The following THSD7B variants were observed in gnomAD, a reference collection of about 807,000 sequenced individuals.
The protein encoded by THSD7B is thrombospondin type-1 domain-containing protein 7B.
A neutral mutation model predicts 213.6 loss-of-function variants in THSD7B; 138 were observed. That is an observed-to-expected ratio of 0.65 (90% CI 0.56 to 0.74). The LOEUF (loss-of-function observed/expected upper bound fraction) is 0.74, where lower values mean the gene tolerates loss of function less well. THSD7B is among the 30% of genes least tolerant of loss of function. The probability of loss-of-function intolerance (pLI) is 0.00; values close to 1 mark genes in which losing one functional copy is unlikely to be tolerated. For missense variants in THSD7B, 1,931 were observed against 1,991.5 expected (o/e 0.97, Z 0.58); for synonymous variants, 742 against 687.0 (o/e 1.08, Z -1.25).
chr2:136,908,522 A>G (rs1001794000), intron 2 of THSD7B, among the ~76,000 whole-genome samples: 6 of 152,244 alleles, frequency 3.9e-5, no homozygotes, highest in African/African-American at 1.4e-4. Context: ...GGGATTTGAT[A>G]TGACTGAAAT....
At chr2:137,144,630 T>C (rs757244090) in intron 5 of THSD7B, among the ~76,000 whole-genome samples, 8 of 152,036 alleles carry the variant, frequency 5.3e-5, no homozygotes, top group Admixed American at 2.6e-4. Context: ...ACCTGTGTTG[T>C]TTTTCTTGGT....
At chr2:137,590,087 T>C (rs1345708419) in intron 17 of THSD7B, among the ~76,000 whole-genome samples, 1 of 152,200 alleles carries the variant, frequency 6.6e-6, no homozygotes, top group Non-Finnish European at 1.5e-5. Flanking sequence ...TGTGCTTCAC[T>C]TTTCATATGT....
chr2:137,386,588 G>A (rs903837627), intron 12 of THSD7B, among the ~76,000 whole-genome samples: 1 of 152,168 alleles, frequency 6.6e-6, no homozygotes, highest in African/African-American at 2.4e-5. Context: ...TCAACTTCAG[G>A]AAAGTAATTT....
intron 7 of THSD7B, among the ~76,000 whole-genome samples, chr2:137,195,498 A>C (rs1222440218): frequency 6.6e-6 from 1 of 152,094 alleles, no homozygotes; most frequent in African/African-American, 2.4e-5. Context: ...AAAAGTAAGA[A>C]AATATTTAAA....
chr2:136,964,905 G>A (rs1685287198), intron 2 of THSD7B, among the ~76,000 whole-genome samples: 1 of 151,384 alleles, frequency 6.6e-6, no homozygotes, highest in Admixed American at 6.6e-5. Context: ...GGAAGCTGAG[G>A]CAGAAGAATT....
intron 15 of THSD7B, among the ~76,000 whole-genome samples, chr2:137,509,332 CTTTCTTT>C (rs1312930928): frequency 1.4e-5 from 2 of 143,730 alleles, no homozygotes; most frequent in African/African-American, 5.2e-5. Context: ...CTCTTTCTTT[CTTTCTTT>C]TTCTCTTTCT....
rs545101670 is a variant in THSD7B at position 137,572,482 on chromosome 2, A to G, written c.3349A>G (p.Thr1117Ala). ...CAACCAGGATGAAATTCCCCCAGAA[A>G]CCCAGTCCTGTTCTCTTATGTGTCC... ...LCNQDEIPPE[T>A]QSCSLMCPNE... Residue 1117 changes from threonine (T) to alanine (A), a missense_variant, in exon 17 of 28, where the codon ACC becomes GCC. Physicochemically the swap from Thr to Ala is moderately conservative, Grantham distance 58. Transcript: ENST00000409968. 1.4e-5 allele frequency: 22 copies of G among 1,613,810 alleles called. No individual in the cohort carries two copies. The African/African-American group carries it at 2.1e-4, about 16-fold the overall frequency.
intron 15 of THSD7B, among the ~76,000 whole-genome samples, chr2:137,500,655 A>G (rs950643963): frequency 2.6e-5 from 4 of 152,250 alleles, no homozygotes; most frequent in Non-Finnish European, 5.9e-5. Context: ...ATGTATGTCA[A>G]GTGTTTCTGT....
chr2:137,637,902 C>T (rs1682862555), intron 20 of THSD7B, among the ~76,000 whole-genome samples: 1 of 152,102 alleles, frequency 6.6e-6, no homozygotes. Context: ...ATTATAATGA[C>T]ATTAGGATAA....
At chr2:137,189,560 A>T (rs369662925) in intron 7 of THSD7B, among the ~76,000 whole-genome samples, 1 of 138,980 alleles carries the variant, frequency 7.2e-6, no homozygotes, top group African/African-American at 2.5e-5. Context: ...CCCATGACCT[A>T]TGCCCTCCAG....
chr2:137,168,989 T>C (rs909324058), intron 6 of THSD7B, among the ~76,000 whole-genome samples: 6 of 151,718 alleles, frequency 4.0e-5, no homozygotes, highest in African/African-American at 1.2e-4. Flanking sequence ...GACATGGAGG[T>C]ATGGAGGTAT....
At position 136,890,534 on chromosome 2, in the gene THSD7B, TCTTCTTC is replaced by T. The variant is rs1490837433; in HGVS notation, c.139+8218_139+8224del. Among the ~76,000 whole-genome samples the T allele has an allele frequency of 3.2e-5, 3 of 94,772 alleles. 1 individual carries two copies. The highest frequency in any genetic ancestry group is 1.2e-4 in the African/African-American group (3 of 24,560). 62.2% of individuals were successfully genotyped at this position (94,772 alleles called of 152,430 possible). On this transcript the variant is annotated intron_variant, in intron 2 of 27. Coordinates refer to ENST00000409968, the MANE Select transcript of THSD7B (RefSeq NM_001316349.2). Reference sequence around the variant, plus strand: ...TCTTCTTCTTTCTTCTTCTTCTTCTTCTTCTTCTTTTTTTTTTTTTTTTAAGACGGAG... The same window carrying T: ...TCTTCTTCTTTCTTCTTCTTCTTCTTTTTTTTTTTTTTTTTTAAGACGGAG...
chr2:137,362,317 T>G (rs1034975253), intron 12 of THSD7B, among the ~76,000 whole-genome samples: 1 of 152,152 alleles, frequency 6.6e-6, no homozygotes, highest in African/African-American at 2.4e-5. Context: ...ACAAAGAAAC[T>G]GCATCAACTA....
chr2:137,081,719 G>A (rs1481033836), intron 3 of THSD7B, among the ~76,000 whole-genome samples: 3 of 152,122 alleles, frequency 2.0e-5, no homozygotes, highest in Non-Finnish European at 2.9e-5. Flanking sequence ...GACTTTGTTA[G>A]TAGAAACATT....
At chr2:136,893,857 T>C (rs116529441) in intron 2 of THSD7B, among the ~76,000 whole-genome samples, 1 of 152,340 alleles carries the variant, frequency 6.6e-6, no homozygotes, top group African/African-American at 2.4e-5. Context: ...ACATCACTCA[T>C]ACTTATTACC....
At chr2:137,070,122 C>T (rs956326435) in intron 3 of THSD7B, among the ~76,000 whole-genome samples, 2 of 151,822 alleles carry the variant, frequency 1.3e-5, no homozygotes, top group Non-Finnish European at 2.9e-5. Flanking sequence ...TTGCAGATAA[C>T]CAACTTCCTT....
intron 12 of THSD7B, among the ~76,000 whole-genome samples, chr2:137,399,452 G>A (rs923647876): frequency 2.9e-4 from 44 of 152,044 alleles, no homozygotes; most frequent in African/African-American, 7.5e-4. Context: ...CTTGGCCTCC[G>A]AAAGTGCTGG....
At chr2:137,351,257 TTAAGA>T (rs752197687) in intron 12 of THSD7B, among the ~76,000 whole-genome samples, 2 of 151,882 alleles carry the variant, frequency 1.3e-5, no homozygotes, top group Admixed American at 1.3e-4. Flanking sequence ...ATATAGAATA[TTAAGA>T]TAAGCTTAAC....
At chr2:137,675,107 AT>A (rs373388398) in intron 27 of THSD7B, among the ~76,000 whole-genome samples, 7 of 152,156 alleles carry the variant, frequency 4.6e-5, no homozygotes, top group African/African-American at 1.7e-4. Flanking sequence ...GCATGATTCC[AT>A]TTAAGATATC....
Sources: gnomAD v4.1 joint callset for allele counts (sites outside exome capture counted in the v4.1 genomes callset) on GRCh38, gnomAD v4.1.1 for gene constraint, MANE v1.5 for transcripts, NCBI Gene and HGNC (gene_info 2026-07-23, HGNC 2026-07-21) for gene names.